Variants in ATP2A2 observed in about 807,000 individuals in gnomAD.
ATP2A2 encodes the protein ATPase sarcoplasmic/endoplasmic reticulum Ca2+ transporting 2, also known as sarcoplasmic/endoplasmic reticulum calcium ATPase 2.
A neutral mutation model predicts 109.3 loss-of-function variants in ATP2A2; 14 were observed. That is an observed-to-expected ratio of 0.13 (90% CI 0.08 to 0.20). The LOEUF is 0.20. ATP2A2 is among the 10% of genes least tolerant of loss of function. ATP2A2 has a pLI of 1.00. For synonymous variants in ATP2A2, 506 were observed against 490.9 expected (o/e 1.03, Z -0.41); for missense variants, 657 against 1,321.6 (o/e 0.50, Z 7.80).
At chr12:110,303,172 C>T (rs1427164629) in intron 5 of ATP2A2, among the ~76,000 whole-genome samples, 1 of 152,166 alleles carries the variant, frequency 6.6e-6, no homozygotes, top group African/African-American at 2.4e-5. Flanking sequence ...CTAATGTAAA[C>T]ATAGTTGCTG....
In ATP2A2 at chr12:110,334,379, C is replaced by T; in HGVS notation, c.1419+236C>T. 5.4e-6 allele frequency: 3 copies of T among 551,692 alleles called. No individual in the cohort carries two copies. The South Asian group carries it at 5.8e-5, about 11-fold the overall frequency. 34.2% of individuals were successfully genotyped at this position (551,692 alleles called of 1,614,324 possible). A position where few individuals can be genotyped will look rare whatever the true frequency, so the allele number is the denominator to read the frequency against. ...GAGCGACCCTCTGGGCCCACAGGGGCTGCCTTCTCCCATAGTGCTGTGAAC... is the reference window on the plus strand; with the variant it reads ...GAGCGACCCTCTGGGCCCACAGGGGTTGCCTTCTCCCATAGTGCTGTGAAC... On this transcript the variant is annotated intron_variant, in intron 11 of 19. Coordinates refer to ENST00000539276, the MANE Select transcript of ATP2A2 (RefSeq NM_170665.4).
chr12:110,281,642 C>G lies in ATP2A2; in HGVS notation c.-148C>G, dbSNP rs1872094823. ...AGGGGGCGCGGGGTGATTCAGCGCC[C>G]GGCGAGGCGGAAGCGGCCGCAAGAG... On this transcript the variant is annotated 5_prime_UTR_variant, in exon 1 of 20. Transcript: ENST00000539276. 30 of 453,244 alleles carry G rather than the reference C, an allele frequency of 6.6e-5. 1 individual carries two copies. In the South Asian group the frequency reaches 1.2e-3, roughly 18 times the overall value. The allele number at this position is 453,244 out of a possible 1,614,324, so 28.1% of individuals were successfully genotyped here. A position where few individuals can be genotyped will look rare whatever the true frequency, so the allele number is the denominator to read the frequency against.
chr12:110,288,925 A>T (rs1207304870), intron 3 of ATP2A2, among the ~76,000 whole-genome samples: 1 of 151,992 alleles, frequency 6.6e-6, no homozygotes, highest in Non-Finnish European at 1.5e-5. Flanking sequence ...TCCCAGTCTC[A>T]TGGTTTCTGT....
In ATP2A2 at chr12:110,282,584, C is replaced by T. The variant is rs1186438853; in HGVS notation, c.119-20C>T. 1.2e-6 allele frequency: 2 copies of T among 1,613,350 alleles called. No individual in the cohort carries two copies. Among genetic ancestry groups the T allele is most frequent in the Non-Finnish European group, 1.7e-6 (2 of 1,179,702 alleles). The stretch of plus-strand genomic sequence containing the variant: ...ACCTCCCTCTTGACACATTGCTTGA[C>T]GAATTTCTACATTCTACAGAGTTAC... On this transcript the variant is annotated intron_variant, in intron 1 of 19. Transcript: ENST00000539276.
In ATP2A2 at chr12:110,291,715, G is replaced by A. The variant is rs767510616; in HGVS notation, c.220-305G>A. Among the ~76,000 whole-genome samples, 323 of 144,436 alleles carry A rather than the reference G, an allele frequency of 2.2e-3. 2 individuals carry two copies. Among genetic ancestry groups the A allele is most frequent in the Non-Finnish European group, 1.1e-3 (74 of 66,758 alleles). The allele number at this position is 144,436 out of a possible 152,430, so 94.8% of individuals were successfully genotyped here. A position where few individuals can be genotyped will look rare whatever the true frequency, so the allele number is the denominator to read the frequency against. On this transcript the variant is annotated intron_variant, in intron 3 of 19. Transcript: ENST00000539276. ...GTGCAATGGCATGCAGTACACTCAC[G>A]GCTCACTGCAACCTTTGCCTCCCCA...
Position 110,350,622 on chromosome 12 carries a change from C to T in ATP2A2, c.*4152C>T, listed in dbSNP as rs1296356235. On this transcript the variant is annotated 3_prime_UTR_variant, in exon 20 of 20. Coordinates refer to ENST00000539276, the MANE Select transcript of ATP2A2 (RefSeq NM_170665.4). ...AGAACTTGGAAGCCGTCAGCCAAGT[C>T]GCCACATTTCTCTGCAAAATGTCAT... The T allele has an allele frequency of 2.0e-5, 9 of 455,674 alleles. No individual in the cohort carries two copies. Among genetic ancestry groups the T allele is most frequent in the Admixed American group, 3.7e-5 (1 of 27,040 alleles). 28.2% of individuals were successfully genotyped at this position (455,674 alleles called of 1,614,324 possible).
chr12:110,342,545 T>C lies in ATP2A2; in HGVS notation c.2318+97T>C, dbSNP rs1312364920. Reference sequence around the variant, plus strand: ...TTTGCTCTCCAGATTGCAGCAGCTTTGGTCTTTGTGCCTGAGTTGGAAGAG... The same window carrying C: ...TTTGCTCTCCAGATTGCAGCAGCTTCGGTCTTTGTGCCTGAGTTGGAAGAG... On this transcript the variant is annotated intron_variant, in intron 15 of 19. Coordinates refer to ENST00000539276, the MANE Select transcript of ATP2A2 (RefSeq NM_170665.4). The surrounding 1 kb of genome is among the most constrained non-coding windows in gnomAD (Gnocchi z 4.6). 22 of 1,389,742 alleles carry C rather than the reference T, an allele frequency of 1.6e-5. No homozygotes were observed. The highest frequency in any genetic ancestry group is 1.9e-5 in the Admixed American group (1 of 51,324). The allele number at this position is 1,389,742 out of a possible 1,614,324, so 86.1% of individuals were successfully genotyped here.
Position 110,350,084 on chromosome 12 carries a change from G to T in ATP2A2, c.*3614G>T. On this transcript the variant is annotated 3_prime_UTR_variant, in exon 20 of 20. Transcript: ENST00000539276. The stretch of plus-strand genomic sequence containing the variant: ...TAGCCAGACGACACGAGGAGTCTGT[G>T]TCACTGAGCCAGTGCTTCTAGATGC... 1 of 1,450,890 alleles carries T rather than the reference G, an allele frequency of 6.9e-7. No individual in the cohort carries two copies. Among genetic ancestry groups the T allele is most frequent in the Non-Finnish European group, 9.0e-7 (1 of 1,107,118 alleles). 89.9% of individuals were successfully genotyped at this position (1,450,890 alleles called of 1,614,324 possible).
intron 17 of ATP2A2, 84 bp downstream of exon 17, chr12:110,345,055 T>C: frequency 2.0e-6 from 3 of 1,516,914 alleles, no homozygotes; most frequent in Non-Finnish European, 2.7e-6. Flanking sequence ...ATCTATCAAA[T>C]CATCTTAAGA....
intron 5 of ATP2A2, among the ~76,000 whole-genome samples, chr12:110,298,827 C>T (rs994685317): frequency 7.2e-5 from 11 of 152,318 alleles, no homozygotes; most frequent in African/African-American, 2.4e-4. Context: ...GGGTATATTG[C>T]AGGCATGATG....
Position 110,348,924 on chromosome 12 carries a change from C to G in ATP2A2, c.*2454C>G, listed in dbSNP as rs1030773265. On this transcript the variant is annotated 3_prime_UTR_variant, in exon 20 of 20. Coordinates refer to ENST00000539276, the MANE Select transcript of ATP2A2 (RefSeq NM_170665.4). ...ACTTGAGTGCTGCACTATTGCTATT[C>G]CGTGCAAACAAAACTCAGCTTTTCC... 1 of 985,346 alleles carries G rather than the reference C, an allele frequency of 1.0e-6. No homozygotes were observed. The highest frequency in any genetic ancestry group is 1.2e-6 in the Non-Finnish European group (1 of 829,968). 61.0% of individuals were successfully genotyped at this position (985,346 alleles called of 1,614,324 possible).
At chr12:110,338,077 C>G (rs2137846858) in intron 11 of ATP2A2, among the ~76,000 whole-genome samples, 1 of 152,326 alleles carries the variant, frequency 6.6e-6, no homozygotes, top group South Asian at 2.1e-4. Flanking sequence ...CATACTTGCT[C>G]TCCCTCCCTG....
intron 3 of ATP2A2, among the ~76,000 whole-genome samples, chr12:110,283,670 C>T (rs1223979204): frequency 6.6e-6 from 1 of 152,152 alleles, no homozygotes; most frequent in Non-Finnish European, 1.5e-5. Flanking sequence ...ATTCTAATAG[C>T]ATGAGATGCC....
intron 10 of ATP2A2, 100 bp downstream of exon 10, chr12:110,333,383 A>G (rs1271685130): frequency 2.6e-6 from 3 of 1,142,402 alleles, no homozygotes; most frequent in Non-Finnish European, 3.9e-6. Flanking sequence ...TTGAAAGTCA[A>G]GGGTGCCTGA....
At chr12:110,312,443 T>C (rs1876181085) in intron 5 of ATP2A2, among the ~76,000 whole-genome samples, 1 of 152,196 alleles carries the variant, frequency 6.6e-6, no homozygotes, top group Non-Finnish European at 1.5e-5. Flanking sequence ...ATGAAATTTA[T>C]GGACTTTCTT....
In ATP2A2 at chr12:110,293,869, TA is replaced by T. The variant is rs1418681184; in HGVS notation, c.324+1746del. 6.1e-4 allele frequency among the ~76,000 whole-genome samples: 79 copies of T among 128,492 alleles called. 1 individual carries two copies. Among genetic ancestry groups the T allele is most frequent in the African/African-American group, 1.4e-3 (46 of 33,342 alleles). 84.3% of individuals were successfully genotyped at this position (128,492 alleles called of 152,430 possible). ...GTGTGTGTGTGTGTGTGTGTGTATA[TA>T]TTTTTTTTTTTTTTTTTTTTTTTTT... On this transcript the variant is annotated intron_variant, in intron 4 of 19. Coordinates refer to ENST00000539276, the MANE Select transcript of ATP2A2 (RefSeq NM_170665.4).
Position 110,348,182 on chromosome 12 carries a change from A to T in ATP2A2, c.*1712A>T. The stretch of plus-strand genomic sequence containing the variant: ...ATTGCTACTTATTTATTAAAAAGCT[A>T]AAAACTAGTGAAAGCAAGTAACTGA... On this transcript the variant is annotated 3_prime_UTR_variant, in exon 20 of 20. Transcript: ENST00000539276. 1 of 985,370 alleles carries T rather than the reference A, an allele frequency of 1.0e-6. No homozygotes were observed. Among genetic ancestry groups the T allele is most frequent in the African/African-American group, 1.7e-5 (1 of 57,350 alleles). 61.0% of individuals were successfully genotyped at this position (985,370 alleles called of 1,614,324 possible). A position where few individuals can be genotyped will look rare whatever the true frequency, so the allele number is the denominator to read the frequency against.
chr12:110,323,367 T>G (rs1877443390), intron 6 of ATP2A2, among the ~76,000 whole-genome samples: 1 of 152,136 alleles, frequency 6.6e-6, no homozygotes, highest in Non-Finnish European at 1.5e-5. Flanking sequence ...GTATTTTTAT[T>G]AGAGATGGGG....
Position 110,340,901 on chromosome 12 carries a change from C to T in ATP2A2, c.2004C>T (p.Ala668=). ...DELNPSAQRD[A]CLNARCFARV... ...TCAACCCCTCCGCCCAGCGAGACGC[C>T]TGCCTGAACGCCCGCTGTTTTGCTC... Residue 668 remains alanine, a synonymous_variant, in exon 14 of 20, where the codon GCC becomes GCT. Transcript: ENST00000539276. This position sits in a 1 kb window ranked among gnomAD's most constrained non-coding sequence, Gnocchi z 6.0. 2 of 1,614,230 alleles carry T rather than the reference C, an allele frequency of 1.2e-6. No homozygotes were observed. Among genetic ancestry groups the T allele is most frequent in the Non-Finnish European group, 1.7e-6 (2 of 1,180,050 alleles).
Sources: gnomAD v4.1 joint callset for allele counts (sites outside exome capture counted in the v4.1 genomes callset) on GRCh38, gnomAD v4.1.1 for gene constraint, Gnocchi (gnomAD v3.1) non-coding constraint, MANE v1.5 for transcripts, NCBI Gene and HGNC (gene_info 2026-07-23, HGNC 2026-07-21) for gene names.